Variants in GCC1 observed in about 807,000 individuals in gnomAD.
The protein encoded by GCC1 is GRIP and coiled-coil domain-containing protein 1.
GCC1 carries 36 observed loss-of-function variants against 62.5 expected under a neutral mutation model. That is an observed-to-expected ratio of 0.58 (90% confidence interval 0.44 to 0.76). The LOEUF is 0.76. Among genes scored for constraint, GCC1 ranks in the 30% least tolerant of loss-of-function variants. GCC1 has a pLI of 0.00. For missense variants in GCC1, 885 were observed against 948.3 expected, an observed-to-expected ratio of 0.93 and a Z score of 0.88; for synonymous variants, 391 against 386.8, an observed-to-expected ratio of 1.01 and a Z score of -0.13.
In GCC1 at chr7:127,582,868, A is replaced by T. The variant is rs1388436025; in HGVS notation, c.1474T>A (p.Phe492Ile). ...QQELKQLKEE[F>I]ERYKMRAQVV... ...TGGGCTCTCATCTTGTACCTCTCAA[A>T]CTCTTCCTTCAGCTGTTTCAGCTCC... Residue 492 changes from phenylalanine to isoleucine, a missense_variant, in exon 2 of 2, where the codon TTT becomes ATT. Physicochemically the swap from Phe to Ile is conservative, Grantham distance 21. Transcript: ENST00000321407. This position sits in a 1 kb window ranked among gnomAD's most constrained non-coding sequence, Gnocchi z 4.8. The T allele has an allele frequency of 2.5e-6, 4 of 1,612,862 alleles. No homozygotes were observed. The highest frequency in any genetic ancestry group is 3.3e-5 in the Admixed American group (2 of 59,918).
rs2117408277 is a variant in GCC1 at position 127,585,435 on chromosome 7, G to A, written c.-253C>T. The A allele has an allele frequency of 1.9e-6, 1 of 518,484 alleles. No individual in the cohort carries two copies. The highest frequency in any genetic ancestry group is 3.4e-6 in the Non-Finnish European group (1 of 292,278). 32.1% of individuals were successfully genotyped at this position (518,484 alleles called of 1,614,324 possible). On this transcript the variant is annotated 5_prime_UTR_variant, in exon 1 of 2. Transcript: ENST00000321407. Reference sequence around the variant, plus strand: ...GGGGCGACACTGGCACCAGAGGTGCGCACTGCCAGGGCTCGTTAGCGCTGG... The same window carrying A: ...GGGGCGACACTGGCACCAGAGGTGCACACTGCCAGGGCTCGTTAGCGCTGG...
rs150205179 is a variant in GCC1, at chr7:127,584,983, A to T, written c.200T>A (p.Val67Glu). 3.6e-4 allele frequency: 588 copies of T among 1,614,068 alleles called. No homozygotes were observed. Among genetic ancestry groups the T allele is most frequent in the Non-Finnish European group, 4.5e-4 (532 of 1,180,030 alleles). ...KVLSVSHEAD[V>E]GLAGVQLPGL... ...TGGAAGCTGGACACCTGCGAGGCCC[A>T]CATCTGCCTCGTGGGATACCGACAG... The change falls in exon 1 of 2, where the codon GTG becomes GAG. Residue 67 changes from valine to glutamate, a missense_variant. Physicochemically the swap from Val to Glu is moderately radical, Grantham distance 121. Coordinates refer to ENST00000321407, the MANE Select transcript of GCC1 (RefSeq NM_024523.6).
At chr7:127,583,347 A>C in intron 1 of GCC1, 38 bp from the exon 2 acceptor site, 3 of 1,486,218 alleles carry the variant, frequency 2.0e-6, no homozygotes, top group Non-Finnish European at 2.7e-6. Context: ...GCATCCACAA[A>C]AGCCCCACAG....
At position 127,584,591 on chromosome 7, in the gene GCC1, C is replaced by T. The variant is rs1794177506; in HGVS notation, c.592G>A (p.Glu198Lys). 6.2e-7 allele frequency: 1 copy of T among 1,614,172 alleles called. No individual in the cohort carries two copies. The highest frequency in any genetic ancestry group is 8.5e-7 in the Non-Finnish European group (1 of 1,180,038). Residue 198 changes from glutamate (E) to lysine (K), a missense_variant, in exon 1 of 2, where the codon GAG becomes AAG. By Grantham distance (56) the Glu-to-Lys change is moderately conservative (BLOSUM62 1). Transcript: ENST00000321407. Reference sequence around the variant, plus strand: ...TCCTCCGCCTTGTTACTGGCATCCTCTAAGTCCTGTTTCATCTTTTTCTTG... The same window carrying T: ...TCCTCCGCCTTGTTACTGGCATCCTTTAAGTCCTGTTTCATCTTTTTCTTG... Reference protein sequence around the residue: ...ADKKKMKQDLEDASNKAEEER... With the variant: ...ADKKKMKQDLKDASNKAEEER...
Position 127,583,275 on chromosome 7 carries a change from G to C in GCC1, c.1067C>G (p.Ser356Cys), listed in dbSNP as rs760484513. 1 of 1,607,710 alleles carries C rather than the reference G, an allele frequency of 6.2e-7. No homozygotes were observed. Among genetic ancestry groups the C allele is most frequent in the South Asian group, 1.1e-5 (1 of 90,938 alleles). Reference protein sequence around the residue: ...ALAEDQLRQQSQVEEQRVAAL... With the variant: ...ALAEDQLRQQCQVEEQRVAAL... The stretch of plus-strand genomic sequence containing the variant: ...TGCCACCCTCTGTTCTTCTACCTGA[G>C]ATTGCTGACGGAGTTGATCCTCTGC... Residue 356 changes from serine (S) to cysteine (C), a missense_variant, in exon 2 of 2, where the codon TCT (serine) becomes TGT (cysteine). Coordinates refer to ENST00000321407, the MANE Select transcript of GCC1 (RefSeq NM_024523.6).
At position 127,581,984 on chromosome 7, in the gene GCC1, C is replaced by A. The variant is rs368776021; in HGVS notation, c.*30G>T. On this transcript the variant is annotated 3_prime_UTR_variant, in exon 2 of 2. Coordinates refer to ENST00000321407, the MANE Select transcript of GCC1 (RefSeq NM_024523.6). ...TGCCCTTTCCCACATAAAAGAGGCACAGAAATTCCAGGAATTCATGAAAAT... is the reference window on the plus strand; with the variant it reads ...TGCCCTTTCCCACATAAAAGAGGCAAAGAAATTCCAGGAATTCATGAAAAT... 7.7e-6 allele frequency: 12 copies of A among 1,561,084 alleles called. No individual in the cohort carries two copies.
Position 127,585,268 on chromosome 7 carries a change from A to G in GCC1, c.-86T>C, listed in dbSNP as rs1794188964. On this transcript the variant is annotated 5_prime_UTR_variant, in exon 1 of 2. Transcript: ENST00000321407. ...GACGCAGGCGGGGGCTTAAAGAAAC[A>G]GCGAGCGGGCTGTCCGGCGGCGGGC... 6 of 1,318,692 alleles carry G rather than the reference A, an allele frequency of 4.5e-6. No individual in the cohort carries two copies. The South Asian group carries it at 8.5e-5, about 19-fold the overall frequency. The allele number at this position is 1,318,692 out of a possible 1,614,324, so 81.7% of individuals were successfully genotyped here. A position where few individuals can be genotyped will look rare whatever the true frequency, so the allele number is the denominator to read the frequency against.
rs1794139525 is a variant in GCC1, at chr7:127,582,042, G to T, written c.2300C>A (p.Ala767Asp). The change falls in exon 2 of 2, where the codon GCC becomes GAC. Residue 767 changes from alanine to aspartate, a missense_variant. Ala to Asp is a moderately radical substitution (Grantham distance 126). Transcript: ENST00000321407. This position sits in a 1 kb window ranked among gnomAD's most constrained non-coding sequence, Gnocchi z 4.8. ...KQVIMRLPTS[A>D]SWWPSGKR The stretch of plus-strand genomic sequence containing the variant: ...TCTCTTGCCAGAAGGCCACCAGCTG[G>T]CACTGGTTGGGAGTCGCATTATCAC... 1.4e-5 allele frequency: 22 copies of T among 1,612,740 alleles called. No individual in the cohort carries two copies. The East Asian group carries it at 4.7e-4, about 34-fold the overall frequency.
At chr7:127,583,592 G>A (rs886836970) in intron 1 of GCC1, among the ~76,000 whole-genome samples, 1 of 152,070 alleles carries the variant, frequency 6.6e-6, no homozygotes, top group Non-Finnish European at 1.5e-5. Flanking sequence ...TGTTTCTCAG[G>A]TGCTTCCTCA....
In GCC1 at chr7:127,584,387, G is replaced by A; in HGVS notation, c.796C>T (p.Leu266Phe). 6.2e-7 allele frequency: 1 copy of A among 1,613,902 alleles called. No homozygotes were observed. Among genetic ancestry groups the A allele is most frequent in the Non-Finnish European group, 8.5e-7 (1 of 1,180,006 alleles). The change falls in exon 1 of 2, where the codon CTT becomes TTT. Residue 266 changes from leucine (L) to phenylalanine (F), a missense_variant. Coordinates refer to ENST00000321407, the MANE Select transcript of GCC1 (RefSeq NM_024523.6). ...GCTTCTCGGGTCTCTTCTAACCTAA[G>A]CTCCAAGTCCTGGCGCTGGGTCCTC... is the stretch of plus-strand genomic sequence containing the variant. ...EERTQRQDLE[L>F]RLEETREALA... is the part of the protein sequence containing the mutation.
In GCC1 at chr7:127,584,140, T is replaced by C. The variant is rs756515652; in HGVS notation, c.1032+11A>G. On this transcript the variant is annotated intron_variant, in intron 1 of 1. Transcript: ENST00000321407. ...CAATGGCTGATGTTTGAAAGAGATA[T>C]GGATAATTACCTTTCTCATTTCCTG... The C allele has an allele frequency of 1.9e-6, 3 of 1,609,720 alleles. No individual in the cohort carries two copies. Among genetic ancestry groups the C allele is most frequent in the South Asian group, 1.1e-5 (1 of 90,874 alleles).
chr7:127,581,809 C>G lies in GCC1; in HGVS notation c.*205G>C. On this transcript the variant is annotated 3_prime_UTR_variant, in exon 2 of 2. Transcript: ENST00000321407. ...TGCACACCATCAGAAGATACTGCCC[C>G]AGGACTTTCAGTATCTCTAGGGCCT... 1 of 584,734 alleles carries G rather than the reference C, an allele frequency of 1.7e-6. No homozygotes were observed. Among genetic ancestry groups the G allele is most frequent in the Non-Finnish European group, 3.0e-6 (1 of 329,760 alleles). The allele number at this position is 584,734 out of a possible 1,614,324, so 36.2% of individuals were successfully genotyped here. A position where few individuals can be genotyped will look rare whatever the true frequency, so the allele number is the denominator to read the frequency against.
Position 127,582,340 on chromosome 7 carries a change from T to C in GCC1, c.2002A>G (p.Thr668Ala). Residue 668 changes from threonine (T) to alanine (A), a missense_variant, in exon 2 of 2, where the codon ACA becomes GCA. Transcript: ENST00000321407. The surrounding 1 kb of genome is among the most constrained non-coding windows in gnomAD (Gnocchi z 4.8). ...EQLARKEVEI[T>A]SLRKQKHRLE... ...CTGTGCTTCTGCTTCCTCAGTGATG[T>C]GATCTCCACCTCCTTGCGGGCCAGT... is the stretch of plus-strand genomic sequence containing the variant. The C allele has an allele frequency of 1.2e-6, 2 of 1,614,206 alleles. No individual in the cohort carries two copies. Among genetic ancestry groups the C allele is most frequent in the East Asian group, 4.5e-5 (2 of 44,880 alleles).
chr7:127,583,495 A>G (rs1794163686), intron 1 of GCC1, among the ~76,000 whole-genome samples, 186 bp from the exon 2 acceptor site: 1 of 152,196 alleles, frequency 6.6e-6, no homozygotes, highest in Non-Finnish European at 1.5e-5. Context: ...TCTGCAAGAC[A>G]CATATTATAC....
rs529613949 is a variant in GCC1 at position 127,581,031 on chromosome 7, C to T, written c.*983G>A. ...CAACCCAGGTTTAGCTGATCTTTAC[C>T]ACTTCCCTGTGAGAGCTACAGCAAT... On this transcript the variant is annotated 3_prime_UTR_variant, in exon 2 of 2. Coordinates refer to ENST00000321407, the MANE Select transcript of GCC1 (RefSeq NM_024523.6). 6.6e-6 allele frequency: 1 copy of T among 152,336 alleles called. No homozygotes were observed. The highest frequency in any genetic ancestry group is 2.4e-5 in the African/African-American group (1 of 41,562). 9.4% of individuals were successfully genotyped at this position (152,336 alleles called of 1,614,324 possible). A position where few individuals can be genotyped will look rare whatever the true frequency, so the allele number is the denominator to read the frequency against.
At position 127,583,045 on chromosome 7, in the gene GCC1, T is replaced by C. The variant is rs751541233; in HGVS notation, c.1297A>G (p.Lys433Glu). The change falls in exon 2 of 2, where the codon AAA becomes GAA. Residue 433 changes from lysine (K) to glutamate (E), a missense_variant. By Grantham distance (56) the Lys-to-Glu change is moderately conservative. Transcript: ENST00000321407. ...EESSLDVNVL[K>E]DKMEKLKRLL... ...CTCTTCAGCTTCTCCATCTTATCTTTCAGGACATTGACATCCAGACTGGAC... is the reference window on the plus strand; with the variant it reads ...CTCTTCAGCTTCTCCATCTTATCTTCCAGGACATTGACATCCAGACTGGAC... 6.2e-7 allele frequency: 1 copy of C among 1,614,118 alleles called. No individual in the cohort carries two copies. Among genetic ancestry groups the C allele is most frequent in the South Asian group, 1.1e-5 (1 of 91,082 alleles).
rs1794133014 is a variant in GCC1 at position 127,581,465 on chromosome 7, A to T, written c.*549T>A. 6.5e-6 allele frequency: 1 copy of T among 154,414 alleles called. No individual in the cohort carries two copies. Among genetic ancestry groups the T allele is most frequent in the Admixed American group, 6.4e-5 (1 of 15,576 alleles). The allele number at this position is 154,414 out of a possible 1,614,324, so 9.6% of individuals were successfully genotyped here. A position where few individuals can be genotyped will look rare whatever the true frequency, so the allele number is the denominator to read the frequency against. Reference sequence around the variant, plus strand: ...TAGACTAAGCTTCCCAGTTCCTTCCAGAATAAACTCACTATTCCTTAGCCC... The same window carrying T: ...TAGACTAAGCTTCCCAGTTCCTTCCTGAATAAACTCACTATTCCTTAGCCC... On this transcript the variant is annotated 3_prime_UTR_variant, in exon 2 of 2. Transcript: ENST00000321407.
chr7:127,584,993 C>T lies in GCC1; in HGVS notation c.190G>A (p.Glu64Lys), dbSNP rs769282444. Residue 64 changes from glutamate (E) to lysine (K), a missense_variant, in exon 1 of 2, where the codon GAG (glutamate) becomes AAG (lysine). Glu to Lys is a moderately conservative substitution (Grantham distance 56, BLOSUM62 1). Coordinates refer to ENST00000321407, the MANE Select transcript of GCC1 (RefSeq NM_024523.6). ...ASIKVLSVSH[E>K]ADVGLAGVQL... Reference sequence around the variant, plus strand: ...ACACCTGCGAGGCCCACATCTGCCTCGTGGGATACCGACAGCACCTTGATG... The same window carrying T: ...ACACCTGCGAGGCCCACATCTGCCTTGTGGGATACCGACAGCACCTTGATG... 1.9e-6 allele frequency: 3 copies of T among 1,614,186 alleles called. No homozygotes were observed. The Admixed American group carries it at 5.0e-5, about 27-fold the overall frequency.
chr7:127,585,035 C>G lies in GCC1; in HGVS notation c.148G>C (p.Glu50Gln), dbSNP rs1794184780. Residue 50 changes from glutamate to glutamine, a missense_variant, in exon 1 of 2, where the codon GAG becomes CAG. Transcript: ENST00000321407. ...ACCTTGATGCTGGCCTCTAATGCCT[C>G]TTTCTCCTTCAGCAGGCTTTTATAG... ...RAYKSLLKEK[E>Q]ALEASIKVLS... 1 of 1,614,090 alleles carries G rather than the reference C, an allele frequency of 6.2e-7. No homozygotes were observed. The highest frequency in any genetic ancestry group is 1.3e-5 in the African/African-American group (1 of 74,936).
Sources: allele counts gnomAD v4.1 joint callset (sites outside exome capture counted in the v4.1 genomes callset), GRCh38; gene constraint gnomAD v4.1.1; non-coding constraint Gnocchi (gnomAD v3.1); transcripts MANE v1.5; gene names NCBI Gene and HGNC (gene_info 2026-07-23, HGNC 2026-07-21).